CCDC102B: variants seen among roughly 807,000 people sequenced by gnomAD.
The protein encoded by CCDC102B is coiled-coil domain containing 102B.
Under a neutral mutation model 57.4 loss-of-function variants are expected in CCDC102B, and 75 were observed. That is an observed-to-expected ratio of 1.31 (90% CI 1.08 to 1.58). CCDC102B has a LOEUF of 1.58. Ranked by LOEUF, CCDC102B falls within the 40% of genes most tolerant of loss-of-function variation. The pLI, the probability that CCDC102B is intolerant of heterozygous loss-of-function variation, is 0.00. For synonymous variants in CCDC102B, 206 were observed against 201.9 expected (o/e 1.02, Z -0.17); for missense variants, 636 against 582.6 (o/e 1.09, Z -0.94).
Position 68,847,027 on chromosome 18 carries a change from T to A in CCDC102B, c.936+606T>A, listed in dbSNP as rs187553192. 1.1e-3 allele frequency among the ~76,000 whole-genome samples: 160 copies of A among 151,922 alleles called. 1 individual carries two copies. Among genetic ancestry groups the A allele is most frequent in the Admixed American group, 3.5e-3 (54 of 15,220 alleles). ...GATTTATTACCATTTATTATTTGAGTAATATTTTACATGTTATGTGTATTA... is the reference window on the plus strand; with the variant it reads ...GATTTATTACCATTTATTATTTGAGAAATATTTTACATGTTATGTGTATTA... On this transcript the variant is annotated intron_variant, in intron 4 of 7. Coordinates refer to ENST00000360242, the MANE Select transcript of CCDC102B (RefSeq NM_024781.3).
chr18:69,045,311 A>ATTATAC (rs2052533723), intron 7 of CCDC102B, among the ~76,000 whole-genome samples: 1 of 152,126 alleles, frequency 6.6e-6, no homozygotes, highest in Non-Finnish European at 1.5e-5. Context: ...GAATACAAAC[A>ATTATAC]AACTTTTCTA....
At chr18:68,985,197 T>C (rs552421437) in intron 6 of CCDC102B, among the ~76,000 whole-genome samples, 4 of 152,322 alleles carry the variant, frequency 2.6e-5, no homozygotes, top group African/African-American at 9.6e-5. Context: ...GGATAATATT[T>C]AATAACAAAA....
chr18:69,055,582 G>A (rs562306745), downstream of CCDC102B, among the ~76,000 whole-genome samples: 20 of 142,286 alleles, frequency 1.4e-4, no homozygotes, highest in East Asian at 4.9e-3. Context: ...AATCCCATAT[G>A]AGAACCAAAT....
At chr18:68,884,619 C>A (rs990015387) in intron 5 of CCDC102B, among the ~76,000 whole-genome samples, 4 of 151,264 alleles carry the variant, frequency 2.6e-5, no homozygotes, top group Non-Finnish European at 5.9e-5. Context: ...TACACACACA[C>A]ATCTCCATCA....
rs2051977614 is a variant in CCDC102B, at chr18:69,025,968, T to G, written c.1434+14864T>G. 2.6e-5 allele frequency among the ~76,000 whole-genome samples: 4 copies of G among 152,192 alleles called. No individual in the cohort carries two copies. The Middle Eastern group carries it at 0.01, about 391-fold the overall frequency. On this transcript the variant is annotated intron_variant, in intron 7 of 7. Transcript: ENST00000360242. ...AAGCAGTCTACAAGGGGTGCCTATG[T>G]GAGTGTGCTAAGCGTGATTCCATTG...
intron 1 of CCDC102B, among the ~76,000 whole-genome samples, chr18:68,833,949 C>G (rs2037253989): frequency 1.3e-5 from 2 of 152,128 alleles, no homozygotes; most frequent in African/African-American, 4.8e-5. Context: ...CCTACAACCA[C>G]TGGCAAATAC....
chr18:68,896,638 T>C (rs776931497), intron 5 of CCDC102B, among the ~76,000 whole-genome samples: 1 of 151,948 alleles, frequency 6.6e-6, no homozygotes, highest in Non-Finnish European at 1.5e-5. Flanking sequence ...TTTTATATAA[T>C]TTAATGTTGA....
At chr18:68,874,525 A>G (rs753073887) in intron 4 of CCDC102B, 144 bp from the exon 5 acceptor site, 2 of 546,842 alleles carry the variant, frequency 3.7e-6, no homozygotes, top group Non-Finnish European at 6.7e-6. Context: ...AACCACAATC[A>G]TTACATCATC....
At chr18:69,031,243 C>CT (rs2052135235) in intron 7 of CCDC102B, among the ~76,000 whole-genome samples, 1 of 151,980 alleles carries the variant, frequency 6.6e-6, no homozygotes, top group African/African-American at 2.4e-5. Flanking sequence ...CATTGTAGTC[C>CT]TTTTTAGTGA....
chr18:68,780,869 G>A (rs1001341396), intron 2 of CCDC102B, among the ~76,000 whole-genome samples: 7 of 152,066 alleles, frequency 4.6e-5, no homozygotes, highest in Admixed American at 4.6e-4. Context: ...TGAAATCAGT[G>A]TCAGAACAAT....
chr18:68,914,097 C>T (rs907937518), intron 6 of CCDC102B, among the ~76,000 whole-genome samples: 5 of 152,282 alleles, frequency 3.3e-5, no homozygotes, highest in African/African-American at 1.2e-4. Flanking sequence ...ATTATAATAA[C>T]CTTTGCAATA....
At chr18:69,035,591 A>G (rs1257667140) in intron 7 of CCDC102B, among the ~76,000 whole-genome samples, 3 of 152,252 alleles carry the variant, frequency 2.0e-5, no homozygotes, top group African/African-American at 4.8e-5. Context: ...TGCTATATAC[A>G]TAGCAAATTT....
intron 7 of CCDC102B, among the ~76,000 whole-genome samples, chr18:69,025,199 G>C (rs72959971): frequency 6.6e-6 from 1 of 152,058 alleles, no homozygotes; most frequent in East Asian, 1.9e-4. Context: ...GATTAATATA[G>C]TTATCAAACT....
intron 2 of CCDC102B, among the ~76,000 whole-genome samples, chr18:68,732,710 G>C (rs1261937795): frequency 1.3e-5 from 2 of 152,152 alleles, no homozygotes; most frequent in South Asian, 4.2e-4. Context: ...TCACCTGCCT[G>C]CAGACAACAT....
At chr18:68,891,050 T>C (rs1303554142) in intron 5 of CCDC102B, among the ~76,000 whole-genome samples, 1 of 152,194 alleles carries the variant, frequency 6.6e-6, no homozygotes, top group Non-Finnish European at 1.5e-5. Context: ...AATGTGATTG[T>C]CCCTTTTCTT....
At chr18:68,926,465 G>A (rs779996128) in intron 6 of CCDC102B, among the ~76,000 whole-genome samples, 3 of 151,666 alleles carry the variant, frequency 2.0e-5, no homozygotes, top group Non-Finnish European at 4.4e-5. Flanking sequence ...GACTTAGTAT[G>A]TACTCTTATA....
chr18:68,880,074 C>G (rs2039622959), intron 5 of CCDC102B, among the ~76,000 whole-genome samples: 1 of 152,156 alleles, frequency 6.6e-6, no homozygotes, highest in Admixed American at 6.5e-5. Context: ...GGCTTGGGCC[C>G]CACGGGAGCC....
intron 2 of CCDC102B, among the ~76,000 whole-genome samples, chr18:68,728,766 A>G (rs1321947197): frequency 2.0e-5 from 3 of 152,192 alleles, no homozygotes; most frequent in African/African-American, 7.2e-5. Context: ...AAATAGAAGA[A>G]TTTCCTTTAA....
chr18:68,812,573 CAGA>C (rs2036310174), intron 1 of CCDC102B, among the ~76,000 whole-genome samples: 1 of 152,134 alleles, frequency 6.6e-6, no homozygotes, highest in Non-Finnish European at 1.5e-5. Context: ...TACCCCGTAG[CAGA>C]AGATGTGTCT....
Sources: allele counts gnomAD v4.1 joint callset (sites outside exome capture counted in the v4.1 genomes callset), GRCh38; gene constraint gnomAD v4.1.1; transcripts MANE v1.5; gene names NCBI Gene and HGNC (gene_info 2026-07-23, HGNC 2026-07-21).